The following ACACA variants were observed in gnomAD, a reference collection of about 807,000 sequenced individuals.
ACACA encodes the protein acetyl-CoA carboxylase 1.
ACACA carries 103 observed loss-of-function variants against 296.1 expected under a neutral mutation model. The observed-to-expected ratio is 0.35, with a 90% CI of 0.30 to 0.41. The LOEUF is 0.41. ACACA is among the 10% of genes least tolerant of loss of function. The pLI is 1.00. For missense variants in ACACA, 1,554 were observed against 2,989.7 expected, an observed-to-expected ratio of 0.52 and a Z score of 11.20; for synonymous variants, 953 against 1,038.6, an observed-to-expected ratio of 0.92 and a Z score of 1.58.
chr17:37,362,985 A>C (rs2049462186), intron 1 of ACACA, among the ~76,000 whole-genome samples: 1 of 149,732 alleles, frequency 6.7e-6, no homozygotes, highest in Non-Finnish European at 1.5e-5. Flanking sequence ...AAAAAAAAAA[A>C]AAAAACAAAA....
chr17:37,151,939 C>T (rs1179923401), intron 43 of ACACA, among the ~76,000 whole-genome samples: 11 of 150,746 alleles, frequency 7.3e-5, no homozygotes, highest in Admixed American at 3.3e-4. Context: ...GGATTACAGG[C>T]GTGAGCCACC....
chr17:37,188,233 T>C (rs779132273), intron 39 of ACACA, 44 bp downstream of exon 39: 5 of 1,584,548 alleles, frequency 3.2e-6, no homozygotes, highest in Non-Finnish European at 2.6e-6. Context: ...GTCTTATCTG[T>C]AGGACCAAAT....
chr17:37,270,658 T>C, intron 10 of ACACA, 93 bp downstream of exon 10: 1 of 978,926 alleles, frequency 1.0e-6, no homozygotes, highest in South Asian at 1.4e-5. Context: ...AAAAATTAAA[T>C]ATTTTCTGGG....
intron 45 of ACACA, among the ~76,000 whole-genome samples, chr17:37,145,397 T>G (rs2075769636): frequency 6.6e-6 from 1 of 152,202 alleles, no homozygotes; most frequent in Non-Finnish European, 1.5e-5. Flanking sequence ...TTTTAAGGAA[T>G]CTGTCACCCA....
intron 46 of ACACA, 21 bp downstream of exon 46, chr17:37,130,054 T>C (rs755544441): frequency 1.2e-6 from 2 of 1,613,962 alleles, no homozygotes; most frequent in Non-Finnish European, 8.5e-7. Flanking sequence ...GCCATGTCAG[T>C]GCTGGGTAGG....
chr17:37,208,216 G>A (rs2078594810), intron 30 of ACACA, among the ~76,000 whole-genome samples: 1 of 152,064 alleles, frequency 6.6e-6, no homozygotes, highest in African/African-American at 2.4e-5. Flanking sequence ...AATGCTTAAG[G>A]CATTTTGTTT....
chr17:37,192,681 T>C (rs957822637), intron 36 of ACACA, among the ~76,000 whole-genome samples: 24 of 152,276 alleles, frequency 1.6e-4, no homozygotes, highest in Admixed American at 4.6e-4. Flanking sequence ...CTACTTCACA[T>C]GCCAATGTTT....
intron 1 of ACACA, among the ~76,000 whole-genome samples, chr17:37,371,518 A>G (rs983301556): frequency 6.6e-6 from 1 of 151,908 alleles, no homozygotes; most frequent in African/African-American, 2.4e-5. Context: ...ATGGTAACAT[A>G]TGTTCACCTT....
At chr17:37,132,981 G>A (rs902722846) in intron 45 of ACACA, among the ~76,000 whole-genome samples, 1 of 152,210 alleles carries the variant, frequency 6.6e-6, no homozygotes, top group African/African-American at 2.4e-5. Context: ...TGAAAAGGCA[G>A]CAGTATTTCT....
rs778244974 is a variant in ACACA, at chr17:37,130,256, T to C, written c.5680-38A>G. On this transcript the variant is annotated intron_variant, in intron 45 of 55. Coordinates refer to ENST00000616317, the MANE Select transcript of ACACA (RefSeq NM_198834.3). ...GCAAGAGAAAAGACATTTGTCTCTA[T>C]AGAAATAAAGGCATGGTCGATTTCA... 5.0e-6 allele frequency: 8 copies of C among 1,612,534 alleles called. No homozygotes were observed. In the Admixed American group the frequency reaches 6.7e-5, roughly 13 times the overall value.
At chr17:37,198,845 T>C (rs1202149275) in intron 35 of ACACA, among the ~76,000 whole-genome samples, 2 of 152,210 alleles carry the variant, frequency 1.3e-5, no homozygotes. Flanking sequence ...CAATCACACA[T>C]AGGTCCTTGA....
chr17:37,284,668 T>C (rs946851783), intron 4 of ACACA, among the ~76,000 whole-genome samples, 170 bp downstream of exon 4: 1 of 152,186 alleles, frequency 6.6e-6, no homozygotes, highest in Non-Finnish European at 1.5e-5. Flanking sequence ...AGGAAAACAG[T>C]GAAATTATAT....
At chr17:37,249,710 G>A (rs917967112) in intron 16 of ACACA, among the ~76,000 whole-genome samples, 3 of 152,122 alleles carry the variant, frequency 2.0e-5, no homozygotes, top group African/African-American at 7.2e-5. Context: ...AAAAAGCAAG[G>A]TAAATAACAG....
At position 37,161,880 on chromosome 17, in the gene ACACA, G is replaced by A; in HGVS notation, c.5250C>T (p.Arg1750=). ...CTCCACTGTTGGCTGATACATAGATGCGTGGAATACCTTCTGCCCTAGCAA... is the reference window on the plus strand; with the variant it reads ...CTCCACTGTTGGCTGATACATAGATACGTGGAATACCTTCTGCCCTAGCAA... ...SELARAEGIP[R]IYVSANSGAR... Residue 1750 remains arginine (R), a synonymous_variant, in exon 42 of 56, where the codon CGC becomes CGT. Transcript: ENST00000616317. 6.2e-7 allele frequency: 1 copy of A among 1,614,166 alleles called. No individual in the cohort carries two copies. Among genetic ancestry groups the A allele is most frequent in the Non-Finnish European group, 8.5e-7 (1 of 1,180,022 alleles).
At chr17:37,356,105 T>C (rs562720007) in intron 1 of ACACA, among the ~76,000 whole-genome samples, 82 of 151,694 alleles carry the variant, frequency 5.4e-4, no homozygotes, top group African/African-American at 1.8e-3. Flanking sequence ...GAGGTGGAGG[T>C]TGCAGTGAGC....
At chr17:37,215,190 G>A (rs536437702) in intron 29 of ACACA, among the ~76,000 whole-genome samples, 70 of 152,168 alleles carry the variant, frequency 4.6e-4, no homozygotes, top group African/African-American at 1.7e-3. Context: ...TAACACAGAA[G>A]GCCAAATTCA....
intron 41 of ACACA, among the ~76,000 whole-genome samples, chr17:37,169,893 T>C (rs1039317887): frequency 6.6e-6 from 1 of 152,066 alleles, no homozygotes; most frequent in African/African-American, 2.4e-5. Context: ...AACAAAAAGG[T>C]ACCCTGTAGC....
chr17:37,112,078 CTAT>C (rs2074003721), intron 51 of ACACA, among the ~76,000 whole-genome samples: 10 of 151,968 alleles, frequency 6.6e-5, no homozygotes, highest in Non-Finnish European at 1.3e-4. Flanking sequence ...ATCTATCTAT[CTAT>C]CTACCTCACC....
chr17:37,329,539 G>A (rs986700497), intron 3 of ACACA, among the ~76,000 whole-genome samples: 4 of 151,884 alleles, frequency 2.6e-5, no homozygotes, highest in African/African-American at 9.7e-5. Context: ...TATTCAGGAG[G>A]CTGAGGCAGG....
Sources: gnomAD v4.1 joint callset for allele counts (sites outside exome capture counted in the v4.1 genomes callset) on GRCh38, gnomAD v4.1.1 for gene constraint, MANE v1.5 for transcripts, NCBI Gene and HGNC (gene_info 2026-07-23, HGNC 2026-07-21) for gene names.